CLEC17A: variants seen among roughly 807,000 people sequenced by gnomAD.
The protein encoded by CLEC17A is C-type lectin domain containing 17A.
Under a neutral mutation model 61.3 loss-of-function variants are expected in CLEC17A, and 37 were observed. The observed-to-expected ratio is 0.60, with a 90% CI of 0.46 to 0.79. The LOEUF is 0.79. Ranked by LOEUF, CLEC17A falls within the 30% of genes least tolerant of loss-of-function variation. The pLI is 0.00. For synonymous variants in CLEC17A, 168 were observed against 164.9 expected (o/e 1.02, Z -0.14); for missense variants, 418 against 464.7 (o/e 0.90, Z 0.92).
chr19:14,600,198 T>C lies in CLEC17A; in HGVS notation c.894+16T>C, dbSNP rs1212527061. On this transcript the variant is annotated intron_variant, in intron 12 of 13. Transcript: ENST00000417570. ...TGCTGAGCACGTGAGTTCTTCCCAC[T>C]GAACCTTTGAGAACCTTCAGGGACA... The C allele has an allele frequency of 1.9e-6, 3 of 1,613,170 alleles. No individual in the cohort carries two copies. The highest frequency in any genetic ancestry group is 2.5e-6 in the Non-Finnish European group (3 of 1,179,228).
chr19:14,587,746 G>T, intron 3 of CLEC17A, 55 bp downstream of exon 3: 2 of 1,605,820 alleles, frequency 1.2e-6, no homozygotes, highest in South Asian at 1.1e-5. Context: ...GGGGTCTCCA[G>T]TGGGCATTGG....
chr19:14,595,883 GTGA>G (rs1032771196), intron 8 of CLEC17A, among the ~76,000 whole-genome samples: 22 of 135,406 alleles, frequency 1.6e-4, no homozygotes, highest in African/African-American at 4.1e-4. Context: ...TAGTGAGATG[GTGA>G]TGATGATAGT....
chr19:14,598,812 T>A, intron 10 of CLEC17A, among the ~76,000 whole-genome samples: 1 of 151,328 alleles, frequency 6.6e-6, no homozygotes. Flanking sequence ...TTTAAAAAAA[T>A]AGCCAGTCAT....
chr19:14,592,624 G>A (rs1056420034), intron 4 of CLEC17A, among the ~76,000 whole-genome samples: 2 of 152,054 alleles, frequency 1.3e-5, no homozygotes, highest in African/African-American at 4.8e-5. Context: ...TTAGAGGAAG[G>A]GACTTTGGAG....
intron 12 of CLEC17A, among the ~76,000 whole-genome samples, chr19:14,602,589 A>C (rs1232183623): frequency 2.4e-4 from 36 of 152,022 alleles, no homozygotes; most frequent in Admixed American, 2.4e-3. Flanking sequence ...CACTGTACCC[A>C]GCCTAATTGG....
At chr19:14,603,584 C>T (rs895734714) in intron 12 of CLEC17A, among the ~76,000 whole-genome samples, 3 of 152,014 alleles carry the variant, frequency 2.0e-5, no homozygotes, top group African/African-American at 7.2e-5. Context: ...TTTAGCCTCC[C>T]AAGTAACTGG....
At chr19:14,601,224 C>T (rs1029492608) in intron 12 of CLEC17A, among the ~76,000 whole-genome samples, 4 of 151,956 alleles carry the variant, frequency 2.6e-5, no homozygotes, top group African/African-American at 4.8e-5. Context: ...CTTTATGCTG[C>T]GGTAACAGAC....
At chr19:14,591,550 C>T (rs1454929804) in intron 3 of CLEC17A, among the ~76,000 whole-genome samples, 10 of 143,476 alleles carry the variant, frequency 7.0e-5, no homozygotes, top group African/African-American at 2.3e-4. Context: ...ATTGTTTCTC[C>T]TTCCTCTTTT....
In CLEC17A at chr19:14,610,464, C is replaced by G; in HGVS notation, c.*268C>G. 4.3e-6 allele frequency: 2 copies of G among 464,726 alleles called. No individual in the cohort carries two copies. The highest frequency in any genetic ancestry group is 4.6e-5 in the South Asian group (2 of 43,032). The allele number at this position is 464,726 out of a possible 1,614,324, so 28.8% of individuals were successfully genotyped here. ...CTCCCACTTCTGGGGTTGAAAGGAT[C>G]TTCACTAAGTTCCTGATCATGACTC... On this transcript the variant is annotated 3_prime_UTR_variant, in exon 14 of 14. Coordinates refer to ENST00000417570, the MANE Select transcript of CLEC17A (RefSeq NM_001204118.2).
intron 2 of CLEC17A, chr19:14,583,978 C>G (rs979346618): frequency 1.9e-5 from 3 of 154,664 alleles, no homozygotes; most frequent in Admixed American, 1.9e-4. Context: ...CGTCTGTAGT[C>G]TTGATACTTT....
intron 7 of CLEC17A, 123 bp from the exon 8 acceptor site, chr19:14,595,151 C>T (rs1338695482): frequency 1.5e-5 from 16 of 1,096,530 alleles, no homozygotes; most frequent in South Asian, 2.8e-5. Flanking sequence ...GAATTACAGG[C>T]GTGAGCCACT....
chr19:14,581,752 A>C (rs867706941), upstream of CLEC17A, among the ~76,000 whole-genome samples: 15 of 152,124 alleles, frequency 9.9e-5, no homozygotes, highest in African/African-American at 3.4e-4. Context: ...TCCCGAGTTC[A>C]AACGATTCTC....
Position 14,594,561 on chromosome 19 carries a change from C to T in CLEC17A, c.310+12C>T, listed in dbSNP as rs781061314. 1.9e-6 allele frequency: 3 copies of T among 1,611,450 alleles called. No individual in the cohort carries two copies. Among genetic ancestry groups the T allele is most frequent in the Admixed American group, 1.7e-5 (1 of 59,534 alleles). On this transcript the variant is annotated intron_variant, in intron 5 of 13. Transcript: ENST00000417570. ...ACCTCCAAGGGCAGGTGAGTTGGGGCTGGGGGTGTAGGAGACCCAGAGCTG... is the reference window on the plus strand; with the variant it reads ...ACCTCCAAGGGCAGGTGAGTTGGGGTTGGGGGTGTAGGAGACCCAGAGCTG...
intron 12 of CLEC17A, among the ~76,000 whole-genome samples, chr19:14,600,994 C>G (rs1249952541): frequency 6.7e-6 from 1 of 148,234 alleles, no homozygotes; most frequent in African/African-American, 2.5e-5. Context: ...CCTCTGCCTC[C>G]CGGGTTCAAG....
At chr19:14,581,578 T>A (rs934369080), upstream of CLEC17A, among the ~76,000 whole-genome samples, 3 of 151,822 alleles carry the variant, frequency 2.0e-5, no homozygotes, top group African/African-American at 4.8e-5. Context: ...GTGATCCACC[T>A]GTCTGAGCCT....
chr19:14,581,448 C>T (rs537157931), upstream of CLEC17A, among the ~76,000 whole-genome samples: 5 of 151,752 alleles, frequency 3.3e-5, no homozygotes, highest in Admixed American at 6.6e-5. Flanking sequence ...CGCAGCCACC[C>T]GAGTAGCTGG....
chr19:14,590,961 G>A (rs1339633645), intron 3 of CLEC17A, among the ~76,000 whole-genome samples: 2 of 151,266 alleles, frequency 1.3e-5, no homozygotes, highest in South Asian at 2.1e-4. Flanking sequence ...GCCTCCCAAA[G>A]TGCTGGGATT....
chr19:14,588,580 A>T (rs1319785071), intron 3 of CLEC17A: 1 of 151,998 alleles, frequency 6.6e-6, no homozygotes, highest in Non-Finnish European at 1.5e-5. Context: ...GACACCCCCG[A>T]GCTGATCAGT....
chr19:14,592,532 G>A (rs929233496), intron 4 of CLEC17A, among the ~76,000 whole-genome samples, 174 bp downstream of exon 4: 6 of 152,340 alleles, frequency 3.9e-5, no homozygotes, highest in African/African-American at 1.4e-4. Context: ...GCAGAGGCGG[G>A]TTTGGACACA....
Sources: gnomAD v4.1 joint callset for allele counts (sites outside exome capture counted in the v4.1 genomes callset) on GRCh38, gnomAD v4.1.1 for gene constraint, MANE v1.5 for transcripts, NCBI Gene and HGNC (gene_info 2026-07-23, HGNC 2026-07-21) for gene names.